Variants in CNTLN observed in about 807,000 individuals in gnomAD.
CNTLN encodes the protein centlein, also known as centlein, centrosomal protein.
A neutral mutation model predicts 180.0 loss-of-function variants in CNTLN; 212 were observed. The ratio of observed to expected loss-of-function variants is 1.18; its 90% confidence interval spans 1.05 to 1.32. The LOEUF (loss-of-function observed/expected upper bound fraction) is 1.32. CNTLN is among the 40% of genes most tolerant of loss of function. The pLI is 0.00. For synonymous variants in CNTLN, 722 were observed against 563.1 expected (o/e 1.28, Z -3.99); for missense variants, 2,095 against 1,610.9 (o/e 1.30, Z -5.14).
chr9:17,222,863 C>T (rs1038629567), intron 2 of CNTLN, among the ~76,000 whole-genome samples: 5 of 151,784 alleles, frequency 3.3e-5, no homozygotes, highest in Admixed American at 1.3e-4. Context: ...GATGTTTTTT[C>T]CTTATCTTAC....
At chr9:17,179,216 C>A (rs1195935126) in intron 2 of CNTLN, among the ~76,000 whole-genome samples, 1 of 136,250 alleles carries the variant, frequency 7.3e-6, no homozygotes, top group Non-Finnish European at 1.5e-5. Flanking sequence ...TGCACTCCAG[C>A]CTGGGCGACA....
chr9:17,291,297 A>C lies in CNTLN; in HGVS notation c.984-6893A>C, dbSNP rs112881950. On this transcript the variant is annotated intron_variant, in intron 6 of 25. Coordinates refer to ENST00000380647, the MANE Select transcript of CNTLN (RefSeq NM_017738.4). ...TATATATTCCATTGTTTTTGGGTGG[A>C]GAGTTCTGTAGATATTTATCAGGTC... Among the ~76,000 whole-genome samples the C allele has an allele frequency of 6.1e-3, 934 of 152,156 alleles. 17 individuals are homozygous for C. The highest frequency in any genetic ancestry group is 0.021 in the African/African-American group (887 of 41,520).
intron 7 of CNTLN, chr9:17,301,424 A>G: frequency 1.0e-6 from 1 of 985,404 alleles, no homozygotes; most frequent in Non-Finnish European, 1.2e-6. Flanking sequence ...AAAAGAGAAC[A>G]AACTGAGATG....
At chr9:17,284,870 T>C (rs1468911696) in intron 6 of CNTLN, among the ~76,000 whole-genome samples, 1 of 152,150 alleles carries the variant, frequency 6.6e-6, no homozygotes, top group African/African-American at 2.4e-5. Context: ...TTGAGATTTT[T>C]CTAGCTTTTT....
chr9:17,466,599 T>A (rs1831764035), intron 22 of CNTLN, 107 bp from the exon 23 acceptor site: 2 of 863,234 alleles, frequency 2.3e-6, no homozygotes, highest in Non-Finnish European at 3.5e-6. Flanking sequence ...AAATAATAAA[T>A]ACATAGAGAG....
chr9:17,256,448 G>T (rs905903393), intron 5 of CNTLN, among the ~76,000 whole-genome samples: 1 of 151,854 alleles, frequency 6.6e-6, no homozygotes, highest in South Asian at 2.1e-4. Flanking sequence ...TTTAGTAAAA[G>T]CCATTATGAT....
intron 2 of CNTLN, among the ~76,000 whole-genome samples, chr9:17,154,934 T>C (rs1284138658): frequency 2.0e-5 from 3 of 152,208 alleles, no homozygotes; most frequent in African/African-American, 7.2e-5. Flanking sequence ...CTGCTCACTC[T>C]TTGGGTCCGC....
downstream of CNTLN, among the ~76,000 whole-genome samples, chr9:17,506,941 T>C (rs1448162526): frequency 6.6e-6 from 1 of 152,162 alleles, no homozygotes; most frequent in Non-Finnish European, 1.5e-5. Context: ...GGTAATTATA[T>C]CTGTCACCTC....
At chr9:17,387,124 G>T (rs2133648727) in intron 13 of CNTLN, among the ~76,000 whole-genome samples, 1 of 152,274 alleles carries the variant, frequency 6.6e-6, no homozygotes, top group Non-Finnish European at 1.5e-5. Flanking sequence ...CAAAAGAAAT[G>T]CCTAATTCAC....
the CNTLN span, among the ~76,000 whole-genome samples, chr9:17,514,252 G>T: frequency 6.6e-6 from 1 of 152,154 alleles, no homozygotes; most frequent in Non-Finnish European, 1.5e-5. Context: ...TGTGGGTGCA[G>T]TGGGCTGAGA....
intron 2 of CNTLN, among the ~76,000 whole-genome samples, chr9:17,159,271 C>CCTA (rs1266556417): frequency 1.3e-5 from 2 of 152,162 alleles, no homozygotes; most frequent in East Asian, 3.9e-4. Context: ...CAAATAAAGT[C>CCTA]AGTTTCTTTG....
Position 17,309,064 on chromosome 9 carries a change from A to T in CNTLN, c.1153A>T (p.Asn385Tyr). 6.3e-7 allele frequency: 1 copy of T among 1,574,850 alleles called. No homozygotes were observed. Among genetic ancestry groups the T allele is most frequent in the Non-Finnish European group, 8.6e-7 (1 of 1,166,476 alleles). ...AESISYQKLY[N>Y]ELHICFETTK... ...GATATATTTTTTGAAACAGCTTTAC[A>T]ATGAGTTACATATTTGTTTTGAAAC... Residue 385 changes from asparagine (N) to tyrosine (Y), a missense_variant, in exon 8 of 26, where the codon AAT becomes TAT. By Grantham distance (143) the Asn-to-Tyr change is moderately radical. Transcript: ENST00000380647.
intron 5 of CNTLN, among the ~76,000 whole-genome samples, chr9:17,263,510 C>T (rs1451116667): frequency 2.0e-5 from 3 of 151,554 alleles, no homozygotes; most frequent in African/African-American, 7.3e-5. Context: ...CATATGTGTG[C>T]ATGTGTCTTT....
intron 14 of CNTLN, among the ~76,000 whole-genome samples, chr9:17,388,748 T>C (rs1408636105): frequency 1.3e-5 from 2 of 151,892 alleles, no homozygotes; most frequent in Non-Finnish European, 2.9e-5. Context: ...CAGTATGATT[T>C]AGTACAGCAT....
intron 2 of CNTLN, among the ~76,000 whole-genome samples, chr9:17,170,105 G>T (rs116762987): frequency 0.019 from 2,898 of 152,160 alleles, 59 homozygotes; most frequent in African/African-American, 0.05. Context: ...CTTTCATGTA[G>T]TTGGTTAGAT....
chr9:17,152,171 T>C (rs558354909), intron 2 of CNTLN, among the ~76,000 whole-genome samples: 62 of 152,316 alleles, frequency 4.1e-4, no homozygotes, highest in Non-Finnish European at 7.8e-4. Flanking sequence ...TCAGTTTTGC[T>C]CTGATCTTAG....
intron 2 of CNTLN, among the ~76,000 whole-genome samples, chr9:17,149,565 T>G (rs2131494647): frequency 6.8e-6 from 1 of 146,930 alleles, no homozygotes; most frequent in East Asian, 2.0e-4. Flanking sequence ...TCGCCCAGGC[T>G]GGAGTGCAGT....
chr9:17,308,950 A>G, intron 7 of CNTLN, 108 bp from the exon 8 acceptor site: 1 of 555,804 alleles, frequency 1.8e-6, no homozygotes, highest in Non-Finnish European at 2.7e-6. Flanking sequence ...GAGGGCAAGA[A>G]CTGTGTTTAT....
rs57960408 is a variant in CNTLN, at chr9:17,202,646, GTTTTTT to G, written c.450-23538_450-23533del. Among the ~76,000 whole-genome samples the G allele has an allele frequency of 2.2e-4, 16 of 71,476 alleles. No individual in the cohort carries two copies. The East Asian group carries it at 3.8e-3, about 17-fold the overall frequency. 46.9% of individuals were successfully genotyped at this position (71,476 alleles called of 152,430 possible). On this transcript the variant is annotated intron_variant, in intron 2 of 25. Transcript: ENST00000380647. ...ATCAGAGCCTAGGATTGCAACCTCT[GTTTTTT>G]TTTTTTTTTTTTTTTTTTGTTGCTT... is the stretch of plus-strand genomic sequence containing the variant.
Sources: allele counts gnomAD v4.1 joint callset (sites outside exome capture counted in the v4.1 genomes callset), GRCh38; gene constraint gnomAD v4.1.1; transcripts MANE v1.5; gene names NCBI Gene and HGNC (gene_info 2026-07-23, HGNC 2026-07-21).